Variants in TFDP2 observed in about 807,000 individuals in gnomAD.
TFDP2 encodes transcription factor Dp-2 (E2F dimerization partner 2).
Under a neutral mutation model 59.3 loss-of-function variants are expected in TFDP2, and 17 were observed. The observed-to-expected ratio is 0.29, with a 90% CI of 0.20 to 0.43. The LOEUF (loss-of-function observed/expected upper bound fraction) is 0.43. TFDP2 is among the 20% of genes least tolerant of loss of function. The pLI is 1.00. For missense variants in TFDP2, 391 were observed against 528.8 expected (o/e 0.74, Z 2.56); for synonymous variants, 180 against 194.7 (o/e 0.92, Z 0.63).
intron 3 of TFDP2, among the ~76,000 whole-genome samples, chr3:142,050,277 T>G (rs369998028): frequency 2.3e-5 from 3 of 128,888 alleles, no homozygotes; most frequent in African/African-American, 6.0e-5. Context: ...AAAAAAAAAA[T>G]AATAAAAAAA....
At position 141,952,600 on chromosome 3, in the gene TFDP2, G is replaced by GT; in HGVS notation, c.1253dup (p.His418GlnfsTer15). On this transcript the variant is annotated frameshift_variant, in exon 13 of 13. Coordinates refer to ENST00000489671, the MANE Select transcript of TFDP2 (RefSeq NM_001178139.2). LOFTEE classifies it high-confidence loss of function. ...GGGTCTCGCCTCGGGACTCGGAGCA[G>GT]TGAGAGGCCGCACTGCTGGACTGGT... is the stretch of plus-strand genomic sequence containing the variant. 6.3e-7 allele frequency: 1 copy of GT among 1,580,362 alleles called. No homozygotes were observed. The highest frequency in any genetic ancestry group is 8.5e-7 in the Non-Finnish European group (1 of 1,171,698).
At chr3:142,046,424 A>T (rs1414607828) in intron 3 of TFDP2, among the ~76,000 whole-genome samples, 2 of 152,184 alleles carry the variant, frequency 1.3e-5, no homozygotes, top group Non-Finnish European at 2.9e-5. Context: ...GCCCCTTCTC[A>T]CCACTACCTT....
chr3:142,131,282 C>T (rs918503695), intron 1 of TFDP2, among the ~76,000 whole-genome samples: 3 of 150,012 alleles, frequency 2.0e-5, no homozygotes, highest in Non-Finnish European at 4.4e-5. Context: ...AATTTGAATA[C>T]ATTTCATAAC....
At chr3:142,054,886 T>C (rs970496218) in intron 3 of TFDP2, among the ~76,000 whole-genome samples, 1 of 152,148 alleles carries the variant, frequency 6.6e-6, no homozygotes, top group Admixed American at 6.5e-5. Flanking sequence ...ACAATTCTAA[T>C]GCATGTAAGA....
rs769181436 is a variant in TFDP2 at position 142,127,303 on chromosome 3, C to CTTT, written c.-93+21877_-93+21879dup. On this transcript the variant is annotated intron_variant, in intron 1 of 12. Transcript: ENST00000489671. ...GACAGACATGTTTCACTACACTCCG[C>CTTT]TTTTTTTTTTTTTTTTTTTTTTGAG... Among the ~76,000 whole-genome samples the CTTT allele has an allele frequency of 3.0e-3, 323 of 108,348 alleles. 4 individuals are homozygous for CTTT. Among genetic ancestry groups the CTTT allele is most frequent in the Non-Finnish European group, 4.3e-3 (223 of 51,544 alleles). The allele number at this position is 108,348 out of a possible 152,430, so 71.1% of individuals were successfully genotyped here. A position where few individuals can be genotyped will look rare whatever the true frequency, so the allele number is the denominator to read the frequency against.
chr3:142,101,939 C>T (rs567748689), intron 1 of TFDP2, 98 bp from the exon 2 acceptor site: 80 of 425,994 alleles, frequency 1.9e-4, no homozygotes, highest in Admixed American at 6.6e-4. Context: ...TCTAAGTGAA[C>T]TGTCTAAATT....
At chr3:142,008,947 A>C (rs1490064600) in intron 3 of TFDP2, among the ~76,000 whole-genome samples, 3 of 152,194 alleles carry the variant, frequency 2.0e-5, no homozygotes, top group Admixed American at 6.5e-5. Flanking sequence ...ATTAAATACA[A>C]GGTCCCATAG....
chr3:142,123,495 T>A (rs1383543049), intron 1 of TFDP2, among the ~76,000 whole-genome samples: 1 of 152,110 alleles, frequency 6.6e-6, no homozygotes, highest in East Asian at 1.9e-4. Flanking sequence ...CTTGAACTCC[T>A]GACCTCAAAT....
intron 4 of TFDP2, chr3:142,000,395 T>C (rs1038156961): frequency 1.5e-6 from 1 of 680,820 alleles, no homozygotes; most frequent in African/African-American, 1.8e-5. Context: ...TTCAACCTCT[T>C]TTATAAGGGC....
At chr3:142,068,076 G>A (rs889195949) in intron 3 of TFDP2, among the ~76,000 whole-genome samples, 1 of 149,182 alleles carries the variant, frequency 6.7e-6, no homozygotes, top group Non-Finnish European at 1.5e-5. Context: ...GCAAAAGAAC[G>A]GCAAAATAGA....
chr3:142,036,407 C>G (rs1418091751), intron 3 of TFDP2, among the ~76,000 whole-genome samples: 1 of 152,308 alleles, frequency 6.6e-6, no homozygotes, highest in East Asian at 1.9e-4. Context: ...TCTGAATAAA[C>G]CTGGTCCTAT....
At chr3:141,975,693 CAAAAA>C (rs537962821) in intron 7 of TFDP2, among the ~76,000 whole-genome samples, 3 of 96,032 alleles carry the variant, frequency 3.1e-5, no homozygotes, top group Non-Finnish European at 4.3e-5. Context: ...GACTCTGTCT[CAAAAA>C]AAAAAAAAAA....
intron 8 of TFDP2, among the ~76,000 whole-genome samples, chr3:141,973,119 A>ATTTTTTT (rs1478835597): frequency 1.3e-5 from 1 of 74,864 alleles, no homozygotes; most frequent in Non-Finnish European, 2.9e-5. Context: ...ATATATATAT[A>ATTTTTTT]TATATTTTTT....
chr3:142,008,009 T>C (rs1032006357), intron 3 of TFDP2, among the ~76,000 whole-genome samples: 1 of 152,152 alleles, frequency 6.6e-6, no homozygotes, highest in Non-Finnish European at 1.5e-5. Context: ...TTTATGCTGC[T>C]GGCACTCGTT....
intron 1 of TFDP2, among the ~76,000 whole-genome samples, chr3:142,112,819 C>A (rs980084384): frequency 1.3e-5 from 2 of 152,112 alleles, no homozygotes; most frequent in African/African-American, 4.8e-5. Context: ...CCACACCCAG[C>A]CAAAACTGGA....
chr3:142,022,456 A>G (rs1945690185), intron 3 of TFDP2, among the ~76,000 whole-genome samples: 1 of 152,128 alleles, frequency 6.6e-6, no homozygotes, highest in African/African-American at 2.4e-5. Context: ...TTCACTGTTT[A>G]GCCCATTTTC....
chr3:141,952,246 A>G lies in TFDP2; in HGVS notation c.*267T>C. 1 of 314,140 alleles carries G rather than the reference A, an allele frequency of 3.2e-6. No homozygotes were observed. The allele number at this position is 314,140 out of a possible 1,614,324, so 19.5% of individuals were successfully genotyped here. On this transcript the variant is annotated 3_prime_UTR_variant, in exon 13 of 13. Transcript: ENST00000489671. Reference sequence around the variant, plus strand: ...GTTGCACTCACACTGCCAACTCTTCAGGGATTATCCCCACTATCTCCTCAG... The same window carrying G: ...GTTGCACTCACACTGCCAACTCTTCGGGGATTATCCCCACTATCTCCTCAG...
intron 3 of TFDP2, among the ~76,000 whole-genome samples, chr3:142,078,333 C>G (rs1350109933): frequency 6.6e-6 from 1 of 152,120 alleles, no homozygotes; most frequent in African/African-American, 2.4e-5. Context: ...TGAGCAAGAC[C>G]CAGTATTGTG....
intron 7 of TFDP2, among the ~76,000 whole-genome samples, chr3:141,977,194 T>G (rs1378389605): frequency 6.8e-6 from 1 of 147,886 alleles, no homozygotes. Context: ...ATTGAATTCC[T>G]GGGCTCAAGC....
Sources: gnomAD v4.1 joint callset for allele counts (sites outside exome capture counted in the v4.1 genomes callset) on GRCh38, gnomAD v4.1.1 for gene constraint, MANE v1.5 for transcripts, NCBI Gene and HGNC (gene_info 2026-07-23, HGNC 2026-07-21) for gene names.